The following STK32C variants were observed in gnomAD, a reference collection of about 807,000 sequenced individuals.
STK32C encodes serine/threonine kinase 32C, also known as serine/threonine-protein kinase 32C.
A neutral mutation model predicts 56.5 loss-of-function variants in STK32C; 31 were observed. That is an observed-to-expected ratio of 0.55 (90% CI 0.41 to 0.74). The LOEUF (loss-of-function observed/expected upper bound fraction) is 0.74. Ranked by LOEUF, STK32C falls within the 30% of genes least tolerant of loss-of-function variation. The pLI is 0.00. For missense variants in STK32C, 544 were observed against 676.9 expected (o/e 0.80, Z 2.18); for synonymous variants, 309 against 289.4 (o/e 1.07, Z -0.69).
At position 132,267,297 on chromosome 10, in the gene STK32C, A is replaced by G. The variant is rs188881694; in HGVS notation, c.263-21342T>C. Among the ~76,000 whole-genome samples the G allele has an allele frequency of 5.9e-5, 9 of 152,258 alleles. No individual in the cohort carries two copies. In the East Asian group the frequency reaches 1.7e-3, roughly 29 times the overall value. On this transcript the variant is annotated intron_variant, in intron 1 of 11. Transcript: ENST00000298630. ...TCTGCACAGCCCAGCATTCACTTGT[A>G]TTCTGGAGGCCTGGAATACACCTCA... is the stretch of plus-strand genomic sequence containing the variant.
At chr10:132,295,686 C>A (rs935323625) in intron 1 of STK32C, among the ~76,000 whole-genome samples, 1 of 152,140 alleles carries the variant, frequency 6.6e-6, no homozygotes, top group Non-Finnish European at 1.5e-5. Flanking sequence ...GAGTTTGAGA[C>A]CAGCATGGCC....
Position 132,304,461 on chromosome 10 carries a change from T to A in STK32C, c.262+3111A>T, listed in dbSNP as rs890768084. 2.0e-5 allele frequency among the ~76,000 whole-genome samples: 3 copies of A among 152,150 alleles called. No individual in the cohort carries two copies. The East Asian group carries it at 5.8e-4, about 29-fold the overall frequency. ...AACTGTTGTAAATTCAGCCAACAAA[T>A]GATGCCTCAGGTCTGGAAGAGGCTG... is the stretch of plus-strand genomic sequence containing the variant. On this transcript the variant is annotated intron_variant, in intron 1 of 11. Transcript: ENST00000298630.
intron 1 of STK32C, among the ~76,000 whole-genome samples, chr10:132,269,854 A>G (rs2064758871): frequency 6.6e-6 from 1 of 152,156 alleles, no homozygotes. Context: ...GCGTTCAGTG[A>G]GAGTCCCTAG....
chr10:132,295,349 G>C (rs1233970117), intron 1 of STK32C, among the ~76,000 whole-genome samples: 1 of 152,184 alleles, frequency 6.6e-6, no homozygotes, highest in East Asian at 1.9e-4. Context: ...CTGCAGCATC[G>C]TGCAGTGCCC....
In STK32C at chr10:132,249,946, G is replaced by A. The variant is rs142779015; in HGVS notation, c.263-3991C>T. 7.6e-3 allele frequency among the ~76,000 whole-genome samples: 1,162 copies of A among 152,356 alleles called. 18 individuals carry two copies. Among genetic ancestry groups the A allele is most frequent in the African/African-American group, 0.025 (1,060 of 41,580 alleles). On this transcript the variant is annotated intron_variant, in intron 1 of 11. Transcript: ENST00000298630. ...GTGAGCTCTCATTCCAGCACTCAGCGGAGGAGATAAGGAAAAGGAAGTCCA... is the reference window on the plus strand; with the variant it reads ...GTGAGCTCTCATTCCAGCACTCAGCAGAGGAGATAAGGAAAAGGAAGTCCA...
intron 1 of STK32C, among the ~76,000 whole-genome samples, chr10:132,315,128 C>T (rs1401988840): frequency 6.6e-6 from 1 of 151,802 alleles, no homozygotes; most frequent in Non-Finnish European, 1.5e-5. Context: ...GAGCGAAATT[C>T]CATCTCAAAA....
At chr10:132,330,789 C>T (rs1217957987) in intron 1 of STK32C, among the ~76,000 whole-genome samples, 1 of 150,974 alleles carries the variant, frequency 6.6e-6, no homozygotes, top group Non-Finnish European at 1.5e-5. Context: ...GGGTTACAGG[C>T]GTGAGCCATC....
chr10:132,228,010 T>C lies in STK32C; in HGVS notation c.437A>G (p.Gln146Arg). 1 of 1,613,832 alleles carries C rather than the reference T, an allele frequency of 6.2e-7. No homozygotes were observed. The highest frequency in any genetic ancestry group is 1.1e-5 in the South Asian group (1 of 91,090). Residue 146 changes from glutamine (Q) to arginine (R), a missense_variant, in exon 3 of 12, where the codon CAG becomes CGG. Physicochemically the swap from Gln to Arg is conservative, Grantham distance 43. This residue lies in a region of STK32C where 182 missense variants were observed against 217.7 expected (regional missense o/e 0.84). Coordinates refer to ENST00000298630, the MANE Select transcript of STK32C (RefSeq NM_173575.4). ...RNVFRELEILQEIEHVFLVNL... is the reference protein window; with the variant it reads ...RNVFRELEILREIEHVFLVNL... ...CACCAGGAAGACGTGCTCGATCTCC[T>C]GCAGGATCTCCAGCTCCCGGAAGAC...
intron 2 of STK32C, among the ~76,000 whole-genome samples, chr10:132,231,534 A>AT (rs1292032675): frequency 2.6e-5 from 4 of 152,164 alleles, no homozygotes; most frequent in East Asian, 3.9e-4. Flanking sequence ...CTCCCTGGAG[A>AT]CCCTGGTGGA....
intron 1 of STK32C, among the ~76,000 whole-genome samples, chr10:132,325,968 G>A (rs546837709): frequency 5.3e-5 from 8 of 152,046 alleles, no homozygotes; most frequent in Non-Finnish European, 1.2e-4. Flanking sequence ...TGACCTGCCC[G>A]CCTTGGCTTC....
At position 132,224,989 on chromosome 10, in the gene STK32C, C is replaced by T. The variant is rs2062831767; in HGVS notation, c.876+244G>A. On this transcript the variant is annotated intron_variant, in intron 7 of 11. Transcript: ENST00000298630. ...TGGCCAGTTCTCAGCCTTGTCCACC[C>T]CCACAGAGGCTGGCCTGCAGGCACC... is the stretch of plus-strand genomic sequence containing the variant. 2.0e-5 allele frequency among the ~76,000 whole-genome samples: 3 copies of T among 152,252 alleles called. No homozygotes were observed. In the South Asian group the frequency reaches 6.2e-4, roughly 31 times the overall value.
chr10:132,227,403 G>A (rs1225780316), intron 3 of STK32C, among the ~76,000 whole-genome samples: 1 of 152,248 alleles, frequency 6.6e-6, no homozygotes, highest in East Asian at 1.9e-4. Context: ...AGCATCCATG[G>A]TGTTGACGAT....
rs367921799 is a variant in STK32C at position 132,287,643 on chromosome 10, G to C, written c.262+19929C>G. ...ATTTTTGTGATTTTTAGTAGAGACG[G>C]GGTTTCACCATGTTGGCCAGGCTGG... On this transcript the variant is annotated intron_variant, in intron 1 of 11. Transcript: ENST00000298630. Among the ~76,000 whole-genome samples, 523 of 151,886 alleles carry C rather than the reference G, an allele frequency of 3.4e-3. 6 individuals carry two copies. Among genetic ancestry groups the C allele is most frequent in the African/African-American group, 0.012 (500 of 41,476 alleles).
intron 1 of STK32C, among the ~76,000 whole-genome samples, chr10:132,296,388 G>A (rs776713592): frequency 2.0e-5 from 3 of 152,138 alleles, no homozygotes; most frequent in Non-Finnish European, 2.9e-5. Flanking sequence ...GTATGGATAC[G>A]GGTCCTCTAG....
intron 8 of STK32C, 91 bp from the exon 9 acceptor site, chr10:132,223,077 G>T (rs2062741475): frequency 1.4e-6 from 2 of 1,470,360 alleles, no homozygotes; most frequent in African/African-American, 1.4e-5. Context: ...CCTTGAGGAG[G>T]GTCCCACCAA....
At chr10:132,213,630 C>T (rs772889726) in intron 10 of STK32C, among the ~76,000 whole-genome samples, 1 of 152,100 alleles carries the variant, frequency 6.6e-6, no homozygotes, top group Non-Finnish European at 1.5e-5. Context: ...ACTACAAGGT[C>T]TTAAGGAAAA....
chr10:132,267,968 T>C (rs2064633160), intron 1 of STK32C, among the ~76,000 whole-genome samples: 1 of 142,424 alleles, frequency 7.0e-6, no homozygotes, highest in Non-Finnish European at 1.5e-5. Context: ...TCTGTGTGCA[T>C]GCATGTCCCA....
At chr10:132,217,562 G>A (rs1046004417) in intron 10 of STK32C, among the ~76,000 whole-genome samples, 1 of 152,154 alleles carries the variant, frequency 6.6e-6, no homozygotes, top group African/African-American at 2.4e-5. Context: ...GGGGCAGAAT[G>A]ATATGGTTTG....
chr10:132,228,069 C>T lies in STK32C; in HGVS notation c.378G>A (p.Lys126=), dbSNP rs911019268. 1 of 1,614,046 alleles carries T rather than the reference C, an allele frequency of 6.2e-7. No homozygotes were observed. ...EKMYAMKYMN[K]QQCIERDEVR... ...CCTCGTCGCGCTCGATGCACTGCTGCTTGTTCATGTACTTCATGGCGTACA... is the reference window on the plus strand; with the variant it reads ...CCTCGTCGCGCTCGATGCACTGCTGTTTGTTCATGTACTTCATGGCGTACA... Residue 126 remains lysine (K), a synonymous_variant, in exon 3 of 12, where the codon AAG becomes AAA. Coordinates refer to ENST00000298630, the MANE Select transcript of STK32C (RefSeq NM_173575.4).
Sources: allele counts gnomAD v4.1 joint callset (sites outside exome capture counted in the v4.1 genomes callset), GRCh38; gene constraint gnomAD v4.1.1; regional missense constraint gnomAD v4.1.1; transcripts MANE v1.5; gene names NCBI Gene and HGNC (gene_info 2026-07-23, HGNC 2026-07-21).